Variants in DNAH8 observed in about 807,000 individuals in gnomAD.
DNAH8 encodes axonemal beta dynein heavy chain 8.
Under a neutral mutation model 562.1 loss-of-function variants are expected in DNAH8, and 382 were observed. The observed-to-expected ratio is 0.68, with a 90% CI of 0.63 to 0.74. The LOEUF (loss-of-function observed/expected upper bound fraction) is 0.74. Ranked by LOEUF, DNAH8 falls within the 30% of genes least tolerant of loss-of-function variation. The probability of loss-of-function intolerance (pLI) is 0.00; values close to 1 mark genes in which losing one functional copy is unlikely to be tolerated. For synonymous variants in DNAH8, 1,881 were observed against 1,919.4 expected (o/e 0.98, Z 0.52); for missense variants, 5,203 against 5,620.4 (o/e 0.93, Z 2.37).
chr6:38,791,281 T>G (rs1337724549), intron 20 of DNAH8, among the ~76,000 whole-genome samples: 2 of 152,216 alleles, frequency 1.3e-5, no homozygotes, highest in African/African-American at 4.8e-5. Flanking sequence ...GTTGTAAAAC[T>G]GGGATATCAG....
chr6:38,929,767 C>T (rs1472111932), intron 75 of DNAH8, 101 bp downstream of exon 75: 1 of 1,118,426 alleles, frequency 8.9e-7, no homozygotes, highest in Non-Finnish European at 1.2e-6. Flanking sequence ...ACAATGGTGA[C>T]ATCTACTTAT....
chr6:38,815,468 G>A lies in DNAH8; in HGVS notation c.3334G>A (p.Val1112Met). ...SEVHLAIPNV[V>M]MIPSLDDIQQ... The stretch of plus-strand genomic sequence containing the variant: ...ACACATTTGTTTCTTCTTTCCACAG[G>A]TGATGATTCCTAGTTTGGATGACAT... The change falls in exon 26 of 93, where the codon GTG becomes ATG. Residue 1112 changes from valine to methionine, a missense_variant and splice_region_variant. Physicochemically the swap from Val to Met is conservative, Grantham distance 21. Around this residue, in one of 6 missense-constraint regions of DNAH8, gnomAD observed 2,176 missense variants for 2,365.1 expected, o/e 0.92. Coordinates refer to ENST00000327475, the MANE Select transcript of DNAH8 (RefSeq NM_001206927.2). The A allele has an allele frequency of 6.2e-7, 1 of 1,612,164 alleles. No individual in the cohort carries two copies. The highest frequency in any genetic ancestry group is 8.5e-7 in the Non-Finnish European group (1 of 1,178,410).
At chr6:38,992,612 G>C (rs1764868699) in intron 88 of DNAH8, among the ~76,000 whole-genome samples, 1 of 152,118 alleles carries the variant, frequency 6.6e-6, no homozygotes, top group African/African-American at 2.4e-5. Context: ...AAGAGACTGG[G>C]GAGTCACGAG....
At chr6:39,016,478 G>C (rs1189691822) in intron 91 of DNAH8, among the ~76,000 whole-genome samples, 1 of 151,624 alleles carries the variant, frequency 6.6e-6, no homozygotes, top group African/African-American at 2.4e-5. Flanking sequence ...GTGAACCTAG[G>C]AGGCGGAGCT....
intron 9 of DNAH8, among the ~76,000 whole-genome samples, chr6:38,753,835 A>G (rs2127598167): frequency 6.6e-6 from 1 of 152,246 alleles, no homozygotes; most frequent in South Asian, 2.1e-4. Flanking sequence ...TGAGCTTTTT[A>G]TATTCTCTGA....
At chr6:38,774,545 A>T (rs900974901) in intron 12 of DNAH8, among the ~76,000 whole-genome samples, 1 of 152,144 alleles carries the variant, frequency 6.6e-6, no homozygotes, top group African/African-American at 2.4e-5. Context: ...GCTAAGTTTG[A>T]AGGGCAAGCA....
intron 91 of DNAH8, among the ~76,000 whole-genome samples, chr6:39,019,957 G>C (rs1766803401): frequency 1.3e-5 from 2 of 152,132 alleles, no homozygotes; most frequent in Admixed American, 1.3e-4. Context: ...AAGGTGGAAA[G>C]AACATTCTGT....
At chr6:38,853,470 T>A in intron 41 of DNAH8, 123 bp downstream of exon 41, 1 of 1,054,002 alleles carries the variant, frequency 9.5e-7, no homozygotes, top group Non-Finnish European at 1.4e-6. Flanking sequence ...TAGAGTGGCC[T>A]ACTCACACTC....
chr6:38,996,651 A>C (rs1175940643), intron 88 of DNAH8, among the ~76,000 whole-genome samples: 1 of 151,992 alleles, frequency 6.6e-6, no homozygotes, highest in Non-Finnish European at 1.5e-5. Context: ...AATAGGGATG[A>C]TCATGGGGTG....
intron 30 of DNAH8, among the ~76,000 whole-genome samples, chr6:38,830,480 A>G (rs145495606): frequency 6.6e-6 from 1 of 151,802 alleles, no homozygotes; most frequent in East Asian, 1.9e-4. Flanking sequence ...TAAAATTACA[A>G]AAAAATCAGC....
chr6:38,832,383 C>T lies in DNAH8; in HGVS notation c.4250C>T (p.Ser1417Phe). The T allele has an allele frequency of 6.2e-7, 1 of 1,613,852 alleles. No homozygotes were observed. Among genetic ancestry groups the T allele is most frequent in the Non-Finnish European group, 8.5e-7 (1 of 1,179,850 alleles). ...AAGTTTAAAAGCAATCTACTTGAGT[C>T]TGTGGAAGTTTTTCGTGAGGACGTG... The part of the protein sequence containing the change: ...QPKFKSNLLE[S>F]VEVFREDVIN... Residue 1417 changes from serine to phenylalanine, a missense_variant, in exon 31 of 93, where the codon TCT becomes TTT. Transcript: ENST00000327475.
At chr6:38,720,079 G>A (rs995081992) in intron 1 of DNAH8, among the ~76,000 whole-genome samples, 2 of 152,112 alleles carry the variant, frequency 1.3e-5, no homozygotes, top group Admixed American at 6.6e-5. Context: ...CCTTACCTCA[G>A]TCTGCCTGGC....
At chr6:38,800,744 T>C (rs1284216199) in intron 21 of DNAH8, among the ~76,000 whole-genome samples, 1 of 152,146 alleles carries the variant, frequency 6.6e-6, no homozygotes, top group African/African-American at 2.4e-5. Context: ...CTCAAACCCC[T>C]GACCTCGAAT....
Position 38,976,546 on chromosome 6 carries a change from G to A in DNAH8, c.12834+2017G>A, listed in dbSNP as rs6911890. Among the ~76,000 whole-genome samples, 641 of 152,278 alleles carry A rather than the reference G, an allele frequency of 4.2e-3. 5 individuals are homozygous for A. The highest frequency in any genetic ancestry group is 0.014 in the African/African-American group (592 of 41,542). On this transcript the variant is annotated intron_variant, in intron 85 of 92. Transcript: ENST00000327475. Reference sequence around the variant, plus strand: ...ATTCTTCAGAGACTTGTTGTCTTGGGCCAGAAGCATCAACATCACTTGGGA... The same window carrying A: ...ATTCTTCAGAGACTTGTTGTCTTGGACCAGAAGCATCAACATCACTTGGGA...
chr6:38,845,028 A>G (rs1164321817), intron 35 of DNAH8, among the ~76,000 whole-genome samples: 2 of 152,146 alleles, frequency 1.3e-5, no homozygotes, highest in Non-Finnish European at 2.9e-5. Flanking sequence ...TGTGGGGAAA[A>G]TATGTTACTT....
intron 82 of DNAH8, among the ~76,000 whole-genome samples, chr6:38,966,691 A>G (rs1364769664): frequency 6.6e-6 from 1 of 152,234 alleles, no homozygotes; most frequent in East Asian, 1.9e-4. Context: ...ATATCAATCA[A>G]TGTAATATAC....
intron 87 of DNAH8, among the ~76,000 whole-genome samples, chr6:38,986,834 T>C (rs903922357): frequency 1.3e-5 from 2 of 151,404 alleles, no homozygotes; most frequent in African/African-American, 4.9e-5. Context: ...GGGAAGAGTT[T>C]TATTGGCTGG....
In DNAH8 at chr6:38,860,499, A is replaced by G; in HGVS notation, c.6001A>G (p.Lys2001Glu). Residue 2001 changes from lysine to glutamate, a missense_variant, in exon 43 of 93, where the codon AAA (lysine) becomes GAA (glutamate). Physicochemically the swap from Lys to Glu is moderately conservative, Grantham distance 56. Transcript: ENST00000327475. Reference protein sequence around the residue: ...IKSPTDFEWLKQSRFYFKEDL... With the variant: ...IKSPTDFEWLEQSRFYFKEDL... ...ATCACCTACTGACTTTGAATGGCTA[A>G]AACAGAGTAGATTTTATTTTAAGGA... 1 of 1,501,630 alleles carries G rather than the reference A, an allele frequency of 6.7e-7. No homozygotes were observed. The allele number at this position is 1,501,630 out of a possible 1,614,324, so 93.0% of individuals were successfully genotyped here.
At chr6:38,896,734 C>T (rs1218476929) in intron 60 of DNAH8, among the ~76,000 whole-genome samples, 1 of 152,106 alleles carries the variant, frequency 6.6e-6, no homozygotes, top group Non-Finnish European at 1.5e-5. Context: ...ATCCAGCCAG[C>T]CCACTGCCTG....
Sources: gnomAD v4.1 joint callset for allele counts (sites outside exome capture counted in the v4.1 genomes callset) on GRCh38, gnomAD v4.1.1 for gene constraint, gnomAD v4.1.1 regional missense constraint, MANE v1.5 for transcripts, NCBI Gene and HGNC (gene_info 2026-07-23, HGNC 2026-07-21) for gene names.